Variants in RPS6KA3 observed in about 807,000 individuals in gnomAD.
RPS6KA3 encodes the protein ribosomal protein S6 kinase alpha-3.
RPS6KA3 carries 4 observed loss-of-function variants against 67.2 expected under a neutral mutation model. The ratio of observed to expected loss-of-function variants is 0.06; its 90% confidence interval spans 0.03 to 0.14. The LOEUF is 0.14. Ranked by LOEUF, RPS6KA3 falls within the 10% of genes least tolerant of loss-of-function variation. The pLI is 1.00. For missense variants in RPS6KA3, 204 were observed against 559.0 expected, an observed-to-expected ratio of 0.36 and a Z score of 6.40; for synonymous variants, 182 against 183.7, an observed-to-expected ratio of 0.99 and a Z score of 0.07.
chrX:20,257,629 C>T (rs1035267374), intron 1 of RPS6KA3, among the ~76,000 whole-genome samples: 3 of 112,147 alleles, frequency 2.7e-5, no homozygotes, highest in African/African-American at 9.7e-5. Flanking sequence ...TTTCAAAATG[C>T]ACCAATCCAC....
At chrX:20,260,176 G>A (rs1484199794) in intron 1 of RPS6KA3, among the ~76,000 whole-genome samples, 1 of 111,817 alleles carries the variant, frequency 8.9e-6, no homozygotes, top group Non-Finnish European at 1.9e-5. Context: ...GTTTTAGAAA[G>A]AAAGTTAAAA....
chrX:20,260,536 C>T (rs185423192), intron 1 of RPS6KA3, among the ~76,000 whole-genome samples: 2 of 111,399 alleles, frequency 1.8e-5, no homozygotes, highest in East Asian at 5.6e-4. Context: ...TTTCTGTTCC[C>T]CTTGCCCTTT....
Position 20,155,250 on chromosome X carries a change from AAGCAGGAGCAGC to A in RPS6KA3, c.*136_*147del. On this transcript the variant is annotated 3_prime_UTR_variant, in exon 22 of 22. Transcript: ENST00000379565. Reference sequence around the variant, plus strand: ...AATCATTTAAAGCGAGAAGAGAGGAAAGCAGGAGCAGCAGCAGGAACAGCAGCATTATGGGTA... The same window carrying A: ...AATCATTTAAAGCGAGAAGAGAGGAAAGCAGGAACAGCAGCATTATGGGTA... The A allele has an allele frequency of 1.6e-6, 1 of 638,604 alleles. No individual in the cohort carries two copies. Among genetic ancestry groups the A allele is most frequent in the Non-Finnish European group, 2.6e-6 (1 of 384,205 alleles). 52.6% of individuals were successfully genotyped at this position (638,604 alleles called of 1,213,427 possible).
chrX:20,241,186 C>G (rs2069541256), intron 1 of RPS6KA3, among the ~76,000 whole-genome samples: 1 of 109,942 alleles, frequency 9.1e-6, no homozygotes, highest in Non-Finnish European at 1.9e-5. Flanking sequence ...AGGACCCTTT[C>G]AGAAACTTTT....
intron 2 of RPS6KA3, among the ~76,000 whole-genome samples, chrX:20,224,610 T>A (rs970310682): frequency 1.8e-5 from 2 of 111,992 alleles, no homozygotes; most frequent in African/African-American, 6.5e-5. Context: ...ACAGTTAATT[T>A]TTTTAAGCAC....
intron 1 of RPS6KA3, among the ~76,000 whole-genome samples, chrX:20,243,216 C>T (rs192301392): frequency 1.8e-5 from 2 of 111,598 alleles, no homozygotes; most frequent in East Asian, 2.8e-4. Context: ...CTGAGCTCCA[C>T]ATACCAGGCA....
chrX:20,242,815 C>T (rs764893214), intron 1 of RPS6KA3, among the ~76,000 whole-genome samples: 1 of 110,575 alleles, frequency 9.0e-6, no homozygotes, highest in Non-Finnish European at 1.9e-5. Flanking sequence ...AAATGTTTAT[C>T]GGAGGGTGGT....
chrX:20,153,255 G>A lies in RPS6KA3; in HGVS notation c.*2143C>T, dbSNP rs1457899082. The A allele has an allele frequency of 1.8e-5, 2 of 111,977 alleles. No individual in the cohort carries two copies. The highest frequency in any genetic ancestry group is 3.8e-5 in the Non-Finnish European group (2 of 53,159). The allele number at this position is 111,977 out of a possible 1,213,427, so 9.2% of individuals were successfully genotyped here. On this transcript the variant is annotated 3_prime_UTR_variant, in exon 22 of 22. Coordinates refer to ENST00000379565, the MANE Select transcript of RPS6KA3 (RefSeq NM_004586.3). ...AAAAAAGCTCTCTTTCCAGGCAATG[G>A]AAAGCAGCTTTTAATAGCATCCATA...
chrX:20,169,533 A>G (rs1186619793), intron 15 of RPS6KA3, 42 bp from the exon 16 acceptor site: 1 of 776,854 alleles, frequency 1.3e-6, no homozygotes, highest in South Asian at 2.1e-5. Context: ...TCAACTATAC[A>G]GTTATAAACA....
chrX:20,217,611 A>G (rs1006830276), intron 2 of RPS6KA3, among the ~76,000 whole-genome samples: 3 of 112,609 alleles, frequency 2.7e-5, no homozygotes, highest in East Asian at 2.8e-4. Context: ...GTAAAAGTCA[A>G]TAAGTACTTT....
At chrX:20,206,615 C>T (rs770004213) in intron 3 of RPS6KA3, among the ~76,000 whole-genome samples, 1 of 112,134 alleles carries the variant, frequency 8.9e-6, no homozygotes, top group African/African-American at 3.2e-5. Flanking sequence ...AACATTTAGT[C>T]TAGTGGGGGA....
chrX:20,191,500 G>A (rs772549920), intron 7 of RPS6KA3, among the ~76,000 whole-genome samples: 2 of 111,422 alleles, frequency 1.8e-5, no homozygotes, highest in South Asian at 3.7e-4. Flanking sequence ...GTGTAAAAGC[G>A]GTACTATTTC....
In RPS6KA3 at chrX:20,151,616, T is replaced by G. The variant is rs1184630694; in HGVS notation, c.*3782A>C. ...ACAGACCTTTTCTGAACCTTTACAT[T>G]CCTGAGCTATCTATCCTAATGCCTT... is the stretch of plus-strand genomic sequence containing the variant. On this transcript the variant is annotated 3_prime_UTR_variant, in exon 22 of 22. Coordinates refer to ENST00000379565, the MANE Select transcript of RPS6KA3 (RefSeq NM_004586.3). 5 of 112,306 alleles carry G rather than the reference T, an allele frequency of 4.5e-5. No homozygotes were observed. Among genetic ancestry groups the G allele is most frequent in the Non-Finnish European group, 7.5e-5 (4 of 53,220 alleles). The allele number at this position is 112,306 out of a possible 1,213,427, so 9.3% of individuals were successfully genotyped here. A position where few individuals can be genotyped will look rare whatever the true frequency, so the allele number is the denominator to read the frequency against.
intron 7 of RPS6KA3, among the ~76,000 whole-genome samples, chrX:20,189,491 C>T (rs779246300): frequency 8.9e-6 from 1 of 111,961 alleles, no homozygotes; most frequent in Non-Finnish European, 1.9e-5. Flanking sequence ...TGATAAAGAA[C>T]AACTGGAGAA....
At chrX:20,224,837 G>A (rs900490252) in intron 2 of RPS6KA3, among the ~76,000 whole-genome samples, 1 of 111,447 alleles carries the variant, frequency 9.0e-6, no homozygotes, top group African/African-American at 3.3e-5. Flanking sequence ...AAGAGAGGGT[G>A]AGAGGCAGCA....
chrX:20,214,825 T>C, intron 2 of RPS6KA3, among the ~76,000 whole-genome samples: 1 of 106,674 alleles, frequency 9.4e-6, no homozygotes, highest in East Asian at 2.8e-4. Flanking sequence ...CTGTTTCCAC[T>C]TTTTTTTCTT....
chrX:20,262,207 T>A (rs558869745), intron 1 of RPS6KA3, among the ~76,000 whole-genome samples: 4 of 111,975 alleles, frequency 3.6e-5, no homozygotes, highest in African/African-American at 1.3e-4. Flanking sequence ...TCCCTGAGCA[T>A]TGAACTGTAG....
At chrX:20,240,342 T>G (rs994484630) in intron 1 of RPS6KA3, among the ~76,000 whole-genome samples, 7 of 91,623 alleles carry the variant, frequency 7.6e-5, no homozygotes, top group Non-Finnish European at 1.5e-4. Context: ...CAAGTATATC[T>G]ACTTTCCAAA....
At chrX:20,173,639 A>C (rs2067626436) in intron 14 of RPS6KA3, among the ~76,000 whole-genome samples, 1 of 112,573 alleles carries the variant, frequency 8.9e-6, no homozygotes, top group Non-Finnish European at 1.9e-5. Context: ...TTTGTAGGAT[A>C]TACAAGTTTG....
Sources: gnomAD v4.1 joint callset for allele counts (sites outside exome capture counted in the v4.1 genomes callset) on GRCh38, gnomAD v4.1.1 for gene constraint, MANE v1.5 for transcripts, NCBI Gene and HGNC (gene_info 2026-07-23, HGNC 2026-07-21) for gene names.